RNF220: variants seen among roughly 807,000 people sequenced by gnomAD.
RNF220 encodes ring finger protein 220, also known as E3 ubiquitin-protein ligase RNF220.
A neutral mutation model predicts 67.1 loss-of-function variants in RNF220; 7 were observed. The observed-to-expected ratio is 0.10, with a 90% CI of 0.06 to 0.20. The LOEUF (loss-of-function observed/expected upper bound fraction) is 0.20. Among genes scored for constraint, RNF220 ranks in the 10% least tolerant of loss-of-function variants. The pLI, the probability that RNF220 is intolerant of heterozygous loss-of-function variation, is 1.00. For missense variants in RNF220, 565 were observed against 740.3 expected (o/e 0.76, Z 2.75); for synonymous variants, 270 against 283.2 (o/e 0.95, Z 0.47).
chr1:44,616,844 C>G (rs1643572091), intron 3 of RNF220, among the ~76,000 whole-genome samples: 1 of 152,150 alleles, frequency 6.6e-6, no homozygotes, highest in African/African-American at 2.4e-5. Flanking sequence ...TGTCTGCCTC[C>G]TCGGTGAGGG....
intron 2 of RNF220, among the ~76,000 whole-genome samples, chr1:44,444,446 C>A (rs1292920401): frequency 6.6e-6 from 1 of 151,526 alleles, no homozygotes; most frequent in African/African-American, 2.4e-5. Context: ...TCTTTTCTTT[C>A]TTTCTTTTTT....
At chr1:44,583,970 T>C (rs887200314) in intron 2 of RNF220, among the ~76,000 whole-genome samples, 4 of 152,254 alleles carry the variant, frequency 2.6e-5, no homozygotes, top group African/African-American at 9.6e-5. Context: ...GAGGACTTAC[T>C]ATATACAAAT....
intron 2 of RNF220, among the ~76,000 whole-genome samples, chr1:44,552,862 C>T (rs1006091641): frequency 6.6e-6 from 1 of 152,144 alleles, no homozygotes; most frequent in African/African-American, 2.4e-5. Flanking sequence ...AGCCACTGCG[C>T]CCGGCCTCTA....
intron 2 of RNF220, among the ~76,000 whole-genome samples, chr1:44,610,695 A>C (rs942799180): frequency 1.3e-5 from 2 of 152,196 alleles, no homozygotes; most frequent in African/African-American, 4.8e-5. Context: ...TGCTGCCGGC[A>C]GTATTGGAGA....
At position 44,632,400 on chromosome 1, in the gene RNF220, G is replaced by GCCCCCACC; in HGVS notation, c.949+19_949+20insCACCCCCC. ...CCGACTGAATGGTGAGTCCTGCCCGGCCCCTCCCTCCGCCCCACCCCCGGC... is the reference window on the plus strand; with the variant it reads ...CCGACTGAATGGTGAGTCCTGCCCGGCCCCCACCCCCCTCCCTCCGCCCCACCCCCGGC... On this transcript the variant is annotated intron_variant, in intron 6 of 14. Transcript: ENST00000361799. 1 of 1,607,448 alleles carries GCCCCCACC rather than the reference G, an allele frequency of 6.2e-7. No individual in the cohort carries two copies. Among genetic ancestry groups the GCCCCCACC allele is most frequent in the Non-Finnish European group, 8.5e-7 (1 of 1,177,488 alleles).
chr1:44,471,622 G>A (rs973567274), intron 2 of RNF220, among the ~76,000 whole-genome samples: 4 of 152,080 alleles, frequency 2.6e-5, no homozygotes, highest in Non-Finnish European at 4.4e-5. Flanking sequence ...TCAGGAATTC[G>A]AGACCAGCCT....
Position 44,645,732 on chromosome 1 carries a change from T to TGCCTGCCC in RNF220, c.1445+251_1445+258dup, listed in dbSNP as rs1319974835. Reference sequence around the variant, plus strand: ...GGAGCAGTCCACCCGCCTGCCTGCCTGCCTGCCCGCCTGCTGCGGCGGCCT... The same window carrying TGCCTGCCC: ...GGAGCAGTCCACCCGCCTGCCTGCCTGCCTGCCCGCCTGCCCGCCTGCTGCGGCGGCCT... On this transcript the variant is annotated intron_variant, in intron 12 of 14. Transcript: ENST00000361799. The surrounding 1 kb of genome is among the most constrained non-coding windows in gnomAD (Gnocchi z 5.0). Among the ~76,000 whole-genome samples, 3 of 152,286 alleles carry TGCCTGCCC rather than the reference T, an allele frequency of 2.0e-5. No homozygotes were observed. Among genetic ancestry groups the TGCCTGCCC allele is most frequent in the South Asian group, 2.1e-4 (1 of 4,826 alleles).
intron 2 of RNF220, among the ~76,000 whole-genome samples, chr1:44,461,043 A>G (rs1274333616): frequency 6.6e-6 from 1 of 152,166 alleles, no homozygotes; most frequent in Non-Finnish European, 1.5e-5. Flanking sequence ...TAACTCTTTG[A>G]TTGATGTCTC....
intron 2 of RNF220, among the ~76,000 whole-genome samples, chr1:44,595,272 GCCCCTGCCTAACACCC>G (rs1215652233): frequency 6.6e-6 from 1 of 152,170 alleles, no homozygotes; most frequent in East Asian, 1.9e-4. Flanking sequence ...CGGCTCCGGG[GCCCCTGCCTAACACCC>G]CCTCCCAGTG....
chr1:44,585,114 T>C (rs1558066466), intron 2 of RNF220, among the ~76,000 whole-genome samples: 1 of 152,180 alleles, frequency 6.6e-6, no homozygotes, highest in Non-Finnish European at 1.5e-5. Context: ...CTGACAAAGA[T>C]GGTATTAAGA....
chr1:44,490,940 A>G (rs1208497700), intron 2 of RNF220, among the ~76,000 whole-genome samples: 6 of 152,186 alleles, frequency 3.9e-5, no homozygotes, highest in African/African-American at 1.4e-4. Flanking sequence ...AAGCATTATA[A>G]GAGAATATTA....
chr1:44,545,764 T>TC (rs935397798), intron 2 of RNF220, among the ~76,000 whole-genome samples: 5 of 151,462 alleles, frequency 3.3e-5, no homozygotes, highest in African/African-American at 1.2e-4. Flanking sequence ...CCAATTTTTT[T>TC]TTTTTTTTTG....
intron 6 of RNF220, among the ~76,000 whole-genome samples, chr1:44,633,437 G>T (rs1644229718): frequency 6.6e-6 from 1 of 152,114 alleles, no homozygotes; most frequent in Non-Finnish European, 1.5e-5. Context: ...CTCGTACGTA[G>T]CCTCTGGATA....
chr1:44,488,919 T>C (rs1021277372), intron 2 of RNF220, among the ~76,000 whole-genome samples: 7 of 151,780 alleles, frequency 4.6e-5, no homozygotes, highest in African/African-American at 1.7e-4. Context: ...TTAGTAGAGA[T>C]GGGGTTTCGC....
chr1:44,555,095 G>T (rs191048087), intron 2 of RNF220, among the ~76,000 whole-genome samples: 44 of 152,182 alleles, frequency 2.9e-4, no homozygotes, highest in African/African-American at 1.0e-3. Flanking sequence ...TTGAGACAGG[G>T]TCTCACTCTG....
chr1:44,632,466 C>T, intron 6 of RNF220, 81 bp downstream of exon 6: 1 of 1,181,654 alleles, frequency 8.5e-7, no homozygotes, highest in African/African-American at 1.7e-5. Context: ...TCCTGGCTTG[C>T]CTGGGTCTCT....
At chr1:44,623,698 G>A (rs1281113754) in intron 4 of RNF220, among the ~76,000 whole-genome samples, 3 of 152,194 alleles carry the variant, frequency 2.0e-5, no homozygotes, top group East Asian at 1.9e-4. Context: ...TAGAGCAAAG[G>A]CCAAGGTGAG....
intron 2 of RNF220, among the ~76,000 whole-genome samples, chr1:44,557,660 T>C (rs1314905617): frequency 6.6e-6 from 1 of 152,200 alleles, no homozygotes; most frequent in Non-Finnish European, 1.5e-5. Context: ...TTCATTTATG[T>C]TTTCTGCTAG....
At chr1:44,599,344 C>T (rs2148394648) in intron 2 of RNF220, among the ~76,000 whole-genome samples, 1 of 152,292 alleles carries the variant, frequency 6.6e-6, no homozygotes, top group African/African-American at 2.4e-5. Flanking sequence ...TTAGGGAAGG[C>T]TTCAAAGAGG....
Sources: allele counts gnomAD v4.1 joint callset (sites outside exome capture counted in the v4.1 genomes callset), GRCh38; gene constraint gnomAD v4.1.1; non-coding constraint Gnocchi (gnomAD v3.1); transcripts MANE v1.5; gene names NCBI Gene and HGNC (gene_info 2026-07-23, HGNC 2026-07-21).